The following CDIN1 variants were observed in gnomAD, a reference collection of about 807,000 sequenced individuals.
CDIN1 encodes the protein CDAN1-interacting nuclease 1.
In CDIN1, 33 loss-of-function variants were observed where a neutral mutation model predicts 45.3. The ratio of observed to expected loss-of-function variants is 0.73; its 90% CI spans 0.55 to 0.97. The LOEUF (loss-of-function observed/expected upper bound fraction) is 0.97, where lower values mean the gene tolerates loss of function less well. CDIN1 is among the 50% of genes least tolerant of loss of function. CDIN1 has a pLI of 0.00. For synonymous variants in CDIN1, 118 were observed against 124.4 expected (o/e 0.95, Z 0.34); for missense variants, 303 against 339.4 (o/e 0.89, Z 0.84).
intron 10 of CDIN1, among the ~76,000 whole-genome samples, chr15:36,774,159 T>TGCGC (rs755245228): frequency 1.3e-3 from 54 of 42,392 alleles, no homozygotes; most frequent in South Asian, 4.5e-3. Flanking sequence ...TGTGTGTGTG[T>TGCGC]GTGTGCGCGC....
intron 10 of CDIN1, among the ~76,000 whole-genome samples, chr15:36,781,884 A>G (rs187700946): frequency 2.2e-4 from 33 of 152,344 alleles, no homozygotes; most frequent in Admixed American, 7.8e-4. Context: ...ACAGAGACAC[A>G]TAGATCCAGC....
chr15:36,587,707 G>A (rs2037372183), intron 1 of CDIN1, among the ~76,000 whole-genome samples: 2 of 151,992 alleles, frequency 1.3e-5, no homozygotes, highest in Admixed American at 1.3e-4. Context: ...CATTCTTCTT[G>A]CCTCCTATCA....
Position 36,657,840 on chromosome 15 carries a change from A to C in CDIN1, c.281A>C (p.Tyr94Ser), listed in dbSNP as rs587777101. Residue 94 changes from tyrosine (Y) to serine (S), a missense_variant, in exon 5 of 11, where the codon TAT becomes TCT. Tyr to Ser is a moderately radical substitution (Grantham distance 144). Transcript: ENST00000566621. Reference sequence around the variant, plus strand: ...TACTTCTGTTTTATAAAGGTGGACTATGCGCCCTCATTAATGGCTCGGCTT... The same window carrying C: ...TACTTCTGTTTTATAAAGGTGGACTCTGCGCCCTCATTAATGGCTCGGCTT... ...VLLDLANEVD[Y>S]APSLMARLIL... is the part of the protein sequence containing the mutation. 10 of 1,611,338 alleles carry C rather than the reference A, an allele frequency of 6.2e-6. No individual in the cohort carries two copies. In the Admixed American group the frequency reaches 1.5e-4, roughly 24 times the overall value.
At chr15:36,637,910 A>C (rs969525528) in intron 1 of CDIN1, among the ~76,000 whole-genome samples, 1 of 152,172 alleles carries the variant, frequency 6.6e-6, no homozygotes, top group Non-Finnish European at 1.5e-5. Flanking sequence ...GGGTGGTAAA[A>C]CTATCAAGAA....
chr15:36,633,262 C>G (rs1281830863), intron 1 of CDIN1, among the ~76,000 whole-genome samples: 1 of 152,034 alleles, frequency 6.6e-6, no homozygotes, highest in Non-Finnish European at 1.5e-5. Context: ...TATACGTTTT[C>G]TTTTCACTTT....
chr15:36,632,610 CTT>C (rs1453073591), intron 1 of CDIN1, among the ~76,000 whole-genome samples: 1 of 152,228 alleles, frequency 6.6e-6, no homozygotes, highest in Non-Finnish European at 1.5e-5. Context: ...GCATCTCACA[CTT>C]TGTGGGATCC....
intron 3 of CDIN1, 73 bp downstream of exon 3, chr15:36,645,360 G>T: frequency 8.0e-7 from 1 of 1,244,324 alleles, no homozygotes; most frequent in Non-Finnish European, 1.1e-6. Flanking sequence ...AATAAGTTAG[G>T]TTATTAATTT....
chr15:36,775,393 T>C (rs1424693469), intron 10 of CDIN1, among the ~76,000 whole-genome samples: 1 of 152,186 alleles, frequency 6.6e-6, no homozygotes, highest in Non-Finnish European at 1.5e-5. Flanking sequence ...GTTCCCCGGC[T>C]GTTAACCAGA....
At chr15:36,706,316 A>G (rs945370633) in intron 8 of CDIN1, 2 of 152,142 alleles carry the variant, frequency 1.3e-5, no homozygotes, top group Middle Eastern at 3.2e-3. Context: ...GTCCAGTGTT[A>G]TTTAAAATAC....
chr15:36,705,704 AT>A (rs2042838118), intron 8 of CDIN1: 1 of 152,208 alleles, frequency 6.6e-6, no homozygotes, highest in Non-Finnish European at 1.5e-5. Context: ...TCCTATATTA[AT>A]TTTGATAATG....
chr15:36,735,563 A>G (rs1052748120), intron 10 of CDIN1, among the ~76,000 whole-genome samples: 1 of 152,130 alleles, frequency 6.6e-6, no homozygotes, highest in Non-Finnish European at 1.5e-5. Context: ...ATGTGCATAT[A>G]TATGCATATT....
intron 7 of CDIN1, among the ~76,000 whole-genome samples, chr15:36,693,428 A>G (rs1420651848): frequency 1.3e-5 from 2 of 152,334 alleles, no homozygotes; most frequent in Middle Eastern, 3.4e-3. Flanking sequence ...TAGAAACTGT[A>G]GGAGTACCAA....
At chr15:36,585,317 T>G (rs1278135221) in intron 1 of CDIN1, among the ~76,000 whole-genome samples, 1 of 152,236 alleles carries the variant, frequency 6.6e-6, no homozygotes, top group Non-Finnish European at 1.5e-5. Flanking sequence ...TTTTGAACTT[T>G]GCTAGTTTTT....
chr15:36,697,724 A>G (rs2042486110), intron 8 of CDIN1, among the ~76,000 whole-genome samples: 1 of 152,212 alleles, frequency 6.6e-6, no homozygotes, highest in African/African-American at 2.4e-5. Context: ...AATGTTTTAT[A>G]TATTAAAAAG....
intron 5 of CDIN1, chr15:36,691,058 G>C (rs916284092): frequency 8.6e-6 from 4 of 464,568 alleles, no homozygotes; most frequent in African/African-American, 4.0e-5. Context: ...GTGTGTGTGT[G>C]TCTCTCTCTG....
chr15:36,666,064 A>G (rs562894277), intron 5 of CDIN1, among the ~76,000 whole-genome samples: 24 of 152,276 alleles, frequency 1.6e-4, no homozygotes, highest in Admixed American at 3.3e-4. Context: ...GTTTATCTTA[A>G]GGGAAGTAGT....
chr15:36,761,107 C>T (rs570036562), intron 10 of CDIN1, among the ~76,000 whole-genome samples: 1 of 152,160 alleles, frequency 6.6e-6, no homozygotes, highest in African/African-American at 2.4e-5. Flanking sequence ...AGCTAAGGCA[C>T]TTAACAATTA....
At chr15:36,581,271 C>G (rs546066580) in intron 1 of CDIN1, among the ~76,000 whole-genome samples, 1 of 152,336 alleles carries the variant, frequency 6.6e-6, no homozygotes, top group South Asian at 2.1e-4. Context: ...TCTCCTCTCA[C>G]TATGTATGCA....
At chr15:36,680,576 A>G (rs1371123519) in intron 5 of CDIN1, among the ~76,000 whole-genome samples, 4 of 152,178 alleles carry the variant, frequency 2.6e-5, no homozygotes, top group Non-Finnish European at 1.5e-5. Flanking sequence ...ATTCAGAATG[A>G]TCTACAGAAA....
Sources: allele counts gnomAD v4.1 joint callset (sites outside exome capture counted in the v4.1 genomes callset), GRCh38; gene constraint gnomAD v4.1.1; transcripts MANE v1.5; gene names NCBI Gene and HGNC (gene_info 2026-07-23, HGNC 2026-07-21).